Variants in RBFOX3 observed in about 807,000 individuals in gnomAD.
RBFOX3 encodes the protein RNA binding protein fox-1 homolog 3.
A neutral mutation model predicts 48.7 loss-of-function variants in RBFOX3; 17 were observed. The observed-to-expected ratio is 0.35, with a 90% CI of 0.24 to 0.52. The LOEUF is 0.52. Ranked by LOEUF, RBFOX3 falls within the 20% of genes least tolerant of loss-of-function variation. The probability of loss-of-function intolerance (pLI) is 0.94; values close to 1 mark genes in which losing one functional copy is unlikely to be tolerated. For synonymous variants in RBFOX3, 212 were observed against 209.5 expected (o/e 1.01, Z -0.10); for missense variants, 382 against 497.5 (o/e 0.77, Z 2.21).
chr17:79,218,214 G>A (rs866109878), intron 4 of RBFOX3, among the ~76,000 whole-genome samples: 16 of 152,208 alleles, frequency 1.1e-4, no homozygotes, highest in Middle Eastern at 3.4e-3. Flanking sequence ...GGCTGGGAGG[G>A]GGTCCTGGTG....
At chr17:79,456,267 C>T (rs1416523084) in intron 2 of RBFOX3, among the ~76,000 whole-genome samples, 1 of 152,184 alleles carries the variant, frequency 6.6e-6, no homozygotes, top group African/African-American at 2.4e-5. Context: ...TAACCCTCGT[C>T]CCGCCAACTC....
intron 2 of RBFOX3, among the ~76,000 whole-genome samples, chr17:79,334,406 C>T (rs184461652): frequency 1.3e-5 from 2 of 152,328 alleles, no homozygotes; most frequent in East Asian, 3.9e-4. Context: ...GTTGGTGTCT[C>T]GGAACCTGTC....
At chr17:79,458,806 A>G (rs782769062) in intron 2 of RBFOX3, among the ~76,000 whole-genome samples, 17 of 152,114 alleles carry the variant, frequency 1.1e-4, no homozygotes, top group Non-Finnish European at 2.5e-4. Flanking sequence ...CACCCCTGCC[A>G]CAGGAGGCCC....
chr17:79,632,625 G>T, the RBFOX3 span, among the ~76,000 whole-genome samples: 3 of 152,046 alleles, frequency 2.0e-5, no homozygotes, highest in East Asian at 1.9e-4. Context: ...CTCCTGTGGC[G>T]GAGTACAGTG....
At chr17:79,145,281 A>G (rs1007370609) in intron 4 of RBFOX3, among the ~76,000 whole-genome samples, 2 of 152,176 alleles carry the variant, frequency 1.3e-5, no homozygotes, top group African/African-American at 4.8e-5. Flanking sequence ...ATTCTGACTC[A>G]GTGGTATGGG....
chr17:79,547,933 C>T (rs2090678594), intron 1 of RBFOX3, among the ~76,000 whole-genome samples: 1 of 152,236 alleles, frequency 6.6e-6, no homozygotes, highest in African/African-American at 2.4e-5. Context: ...GTGGGTTCAT[C>T]TGATGGAGGC....
chr17:79,263,577 C>T (rs898762644), intron 3 of RBFOX3, among the ~76,000 whole-genome samples: 6 of 152,162 alleles, frequency 3.9e-5, no homozygotes, highest in African/African-American at 1.2e-4. Context: ...CCCAGCTCAT[C>T]GTGAGCCACC....
At chr17:79,261,625 C>T (rs2065794759) in intron 3 of RBFOX3, among the ~76,000 whole-genome samples, 2 of 152,238 alleles carry the variant, frequency 1.3e-5, no homozygotes. Context: ...GCATTTCTCA[C>T]AAGGTCCCAG....
chr17:79,112,564 ACTG>A, intron 5 of RBFOX3, among the ~76,000 whole-genome samples: 1 of 152,102 alleles, frequency 6.6e-6, no homozygotes, highest in East Asian at 1.9e-4. Context: ...TGCAGGGGCC[ACTG>A]CTCTCTCCCA....
At chr17:79,215,239 C>A (rs2058879921) in intron 4 of RBFOX3, among the ~76,000 whole-genome samples, 1 of 152,226 alleles carries the variant, frequency 6.6e-6, no homozygotes, top group Admixed American at 6.5e-5. Flanking sequence ...CGCCCTCGTG[C>A]AGCTCTGAGC....
intron 1 of RBFOX3, among the ~76,000 whole-genome samples, chr17:79,564,420 G>A (rs2092376064): frequency 6.6e-6 from 1 of 152,224 alleles, no homozygotes; most frequent in African/African-American, 2.4e-5. Flanking sequence ...TAGGGATAAT[G>A]GCCGAGCTGG....
intron 1 of RBFOX3, among the ~76,000 whole-genome samples, chr17:79,551,797 T>A (rs2091185728): frequency 6.6e-6 from 1 of 152,222 alleles, no homozygotes; most frequent in African/African-American, 2.4e-5. Flanking sequence ...CACCTTCCGC[T>A]GTGATTGTAA....
chr17:79,178,993 C>G (rs772984691), intron 4 of RBFOX3, among the ~76,000 whole-genome samples: 5 of 152,180 alleles, frequency 3.3e-5, no homozygotes, highest in Non-Finnish European at 7.3e-5. Context: ...GGGATACTCT[C>G]TAGCCACCCA....
chr17:79,486,192 G>GGGGCT (rs1167594613), intron 1 of RBFOX3, among the ~76,000 whole-genome samples: 12 of 152,326 alleles, frequency 7.9e-5, no homozygotes, highest in Non-Finnish European at 1.8e-4. Context: ...AGCGTAGTTG[G>GGGGCT]GGGCTGGGCT....
chr17:79,444,694 C>T (rs1262005613), intron 2 of RBFOX3, among the ~76,000 whole-genome samples: 4 of 151,950 alleles, frequency 2.6e-5, no homozygotes, highest in Admixed American at 6.6e-5. Context: ...CTTATAAGCC[C>T]GCATTTGCTC....
intron 3 of RBFOX3, among the ~76,000 whole-genome samples, chr17:79,275,535 C>T (rs2068631547): frequency 6.6e-6 from 1 of 152,176 alleles, no homozygotes; most frequent in Non-Finnish European, 1.5e-5. Flanking sequence ...AGACCGCACG[C>T]TCACTGAAGT....
Position 79,324,214 on chromosome 17 carries a change from GGGAA to G in RBFOX3, c.-174-16394_-174-16391del, listed in dbSNP as rs535177719. On this transcript the variant is annotated intron_variant, in intron 2 of 14. Coordinates refer to ENST00000693108, the MANE Select transcript of RBFOX3 (RefSeq NM_001350451.2). ...GTCACTTGCCAGCCTGCAAGCATCTGGGAAGGAACTGGCTTTGGGGGCTTGGGTC... is the reference window on the plus strand; with the variant it reads ...GTCACTTGCCAGCCTGCAAGCATCTGGGAACTGGCTTTGGGGGCTTGGGTC... Among the ~76,000 whole-genome samples the G allele has an allele frequency of 3.3e-4, 50 of 152,292 alleles. 1 individual carries two copies. In the South Asian group the frequency reaches 0.01, roughly 31 times the overall value.
intron 1 of RBFOX3, among the ~76,000 whole-genome samples, chr17:79,576,509 G>A (rs1383839033): frequency 6.6e-6 from 1 of 152,124 alleles, no homozygotes; most frequent in Non-Finnish European, 1.5e-5. Flanking sequence ...TGGAAAAGTT[G>A]GAGATGATGA....
At chr17:79,660,280 G>A in the RBFOX3 span, among the ~76,000 whole-genome samples, 5 of 152,218 alleles carry the variant, frequency 3.3e-5, no homozygotes, top group South Asian at 4.1e-4. Context: ...GAAAGCAATC[G>A]CAACACAAGC....
Sources: allele counts gnomAD v4.1 joint callset (sites outside exome capture counted in the v4.1 genomes callset), GRCh38; gene constraint gnomAD v4.1.1; transcripts MANE v1.5; gene names NCBI Gene and HGNC (gene_info 2026-07-23, HGNC 2026-07-21).